The following DDX46 variants were observed in gnomAD, a reference collection of about 807,000 sequenced individuals.
DDX46 encodes DEAD-box helicase 46, also known as probable ATP-dependent RNA helicase DDX46.
A neutral mutation model predicts 134.9 loss-of-function variants in DDX46; 30 were observed. The observed-to-expected ratio is 0.22, with a 90% CI of 0.17 to 0.30. The LOEUF is 0.30. Ranked by LOEUF, DDX46 falls within the 10% of genes least tolerant of loss-of-function variation. The pLI, the probability that DDX46 is intolerant of heterozygous loss-of-function variation, is 1.00. For missense variants in DDX46, 622 were observed against 1,248.7 expected (o/e 0.50, Z 7.56); for synonymous variants, 415 against 404.1 (o/e 1.03, Z -0.32).
Position 134,773,494 on chromosome 5 carries a change from T to C in DDX46, c.448-202T>C, listed in dbSNP as rs74868530. Among the ~76,000 whole-genome samples the C allele has an allele frequency of 8.4e-3, 1,273 of 152,336 alleles. 18 individuals are homozygous for C. The highest frequency in any genetic ancestry group is 0.028 in the African/African-American group (1,160 of 41,566). On this transcript the variant is annotated intron_variant, in intron 4 of 22. Coordinates refer to ENST00000452510, the MANE Select transcript of DDX46 (RefSeq NM_001300860.2). The stretch of plus-strand genomic sequence containing the variant: ...TTCTTATTTGAAGATGCTTTTTTTG[T>C]GATTTCATTTTGGTAATATATTTGT...
intron 18 of DDX46, among the ~76,000 whole-genome samples, chr5:134,812,453 C>T (rs1054102998): frequency 2.6e-5 from 4 of 152,010 alleles, no homozygotes; most frequent in Non-Finnish European, 4.4e-5. Flanking sequence ...CACTTTTGGA[C>T]ATATCATGTT....
intron 22 of DDX46, among the ~76,000 whole-genome samples, chr5:134,828,439 T>G (rs994251682): frequency 2.6e-5 from 4 of 152,182 alleles, no homozygotes; most frequent in East Asian, 1.9e-4. Flanking sequence ...AATAGTTGAG[T>G]GAACAGAGAA....
intron 18 of DDX46, among the ~76,000 whole-genome samples, chr5:134,815,603 A>G (rs1755264452): frequency 7.0e-6 from 1 of 143,404 alleles, no homozygotes; most frequent in Admixed American, 7.3e-5. Flanking sequence ...GCTACTCAGG[A>G]GGCTGAGGCA....
chr5:134,826,914 A>G (rs751181415), intron 21 of DDX46, 33 bp from the exon 22 acceptor site: 53 of 1,602,998 alleles, frequency 3.3e-5, no homozygotes, highest in Non-Finnish European at 6.8e-6. Flanking sequence ...AAGTTTAGTA[A>G]TTTGAATAAT....
chr5:134,764,714 T>C (rs886423800), intron 2 of DDX46, among the ~76,000 whole-genome samples: 2 of 152,194 alleles, frequency 1.3e-5, no homozygotes, highest in African/African-American at 4.8e-5. Context: ...AAGAGGGTTC[T>C]ATTCCAATTC....
intron 6 of DDX46, chr5:134,778,015 A>C: frequency 5.0e-6 from 1 of 201,416 alleles, no homozygotes; most frequent in Non-Finnish European, 9.6e-6. Context: ...CCTGTCTTTG[A>C]TACTCTTTTT....
rs867777664 is a variant in DDX46, at chr5:134,818,923, G to A, written c.2896G>A (p.Ala966Thr). The A allele has an allele frequency of 6.2e-7, 1 of 1,613,792 alleles. No homozygotes were observed. Among genetic ancestry groups the A allele is most frequent in the East Asian group, 2.2e-5 (1 of 44,832 alleles). Residue 966 changes from alanine to threonine, a missense_variant, in exon 21 of 23, where the codon GCA becomes ACA. Physicochemically the swap from Ala to Thr is moderately conservative, Grantham distance 58. Coordinates refer to ENST00000452510, the MANE Select transcript of DDX46 (RefSeq NM_001300860.2). ...GAGAATCAGTGAATACTCTGAAGCC[G>A]CAATTACAATCAGAGGAACCTACTT... Reference protein sequence around the residue: ...LQRISEYSEAAITIRGTYFPP... With the variant: ...LQRISEYSEATITIRGTYFPP...
intron 8 of DDX46, among the ~76,000 whole-genome samples, chr5:134,782,348 T>C (rs1754179276): frequency 3.3e-5 from 5 of 151,588 alleles, no homozygotes; most frequent in Admixed American, 3.3e-4. Context: ...TCTACTAAAA[T>C]ACAAAAAACT....
intron 1 of DDX46, among the ~76,000 whole-genome samples, chr5:134,762,727 CTG>C (rs1753429779): frequency 1.3e-5 from 2 of 149,872 alleles, no homozygotes; most frequent in East Asian, 2.0e-4. Flanking sequence ...GAGTGCGACT[CTG>C]TCTCAAAAAA....
At chr5:134,773,946 TTTA>T in intron 5 of DDX46, 85 bp downstream of exon 5, 3 of 1,343,162 alleles carry the variant, frequency 2.2e-6, no homozygotes, top group Non-Finnish European at 3.0e-6. Context: ...TTTAATCTTT[TTTA>T]TTGTTGAAAA....
chr5:134,793,119 T>C lies in DDX46; in HGVS notation c.1627-1731T>C, dbSNP rs530781960. 4.6e-5 allele frequency among the ~76,000 whole-genome samples: 7 copies of C among 152,260 alleles called. No individual in the cohort carries two copies. The East Asian group carries it at 1.2e-3, about 25-fold the overall frequency. Reference sequence around the variant, plus strand: ...CTGTGGTGAGCCAACATAATACCTCTGCACTCCAGCCTGGGCGACAGAGTG... The same window carrying C: ...CTGTGGTGAGCCAACATAATACCTCCGCACTCCAGCCTGGGCGACAGAGTG... On this transcript the variant is annotated intron_variant, in intron 13 of 22. Coordinates refer to ENST00000452510, the MANE Select transcript of DDX46 (RefSeq NM_001300860.2).
At chr5:134,802,233 T>G (rs897623468) in intron 15 of DDX46, among the ~76,000 whole-genome samples, 1 of 150,406 alleles carries the variant, frequency 6.6e-6, no homozygotes, top group Non-Finnish European at 1.5e-5. Context: ...GGCACTATCT[T>G]GGCTCACCGC....
At chr5:134,785,186 CTG>C (rs1254204240) in intron 10 of DDX46, among the ~76,000 whole-genome samples, 3 of 152,174 alleles carry the variant, frequency 2.0e-5, no homozygotes, top group African/African-American at 7.2e-5. Context: ...CATTAGAAAA[CTG>C]TTTGCATTCT....
intron 15 of DDX46, among the ~76,000 whole-genome samples, chr5:134,801,025 T>C (rs995239560): frequency 3.9e-5 from 6 of 152,132 alleles, no homozygotes; most frequent in African/African-American, 1.4e-4. Flanking sequence ...GACTCATGCC[T>C]GTAATCCCAG....
intron 4 of DDX46, among the ~76,000 whole-genome samples, chr5:134,771,780 G>T (rs1323686715): frequency 1.3e-5 from 2 of 152,040 alleles, no homozygotes; most frequent in Non-Finnish European, 2.9e-5. Flanking sequence ...AAAATAACCA[G>T]ATGTGAAAGA....
In DDX46 at chr5:134,763,906, A is replaced by G. The variant is rs762352422; in HGVS notation, c.20A>G (p.His7Arg). The G allele has an allele frequency of 6.2e-7, 1 of 1,613,844 alleles. No homozygotes were observed. The highest frequency in any genetic ancestry group is 8.5e-7 in the Non-Finnish European group (1 of 1,179,878). The change falls in exon 2 of 23, where the codon CAC (histidine) becomes CGC (arginine). Residue 7 changes from histidine to arginine, a missense_variant and splice_region_variant. By Grantham distance (29) the His-to-Arg change is conservative. This residue lies in a region of DDX46 where 244 missense variants were observed against 349.3 expected (regional missense o/e 0.70). Transcript: ENST00000452510. Reference sequence around the variant, plus strand: ...TAATCTTTGACTTATTGTTCTAGCCACTATCGAAAACGATCGGCATCCCGG... The same window carrying G: ...TAATCTTTGACTTATTGTTCTAGCCGCTATCGAAAACGATCGGCATCCCGG... The part of the protein sequence containing the change: MGRESR[H>R]YRKRSASRGR...
chr5:134,785,499 A>G lies in DDX46; in HGVS notation c.1377A>G (p.Leu459=), dbSNP rs775141839. Residue 459 remains leucine (L), a synonymous_variant, in exon 11 of 23, where the codon TTA becomes TTG. Transcript: ENST00000452510. ...TGACTCCAACTCGAGAACTGGCTTTACAGATTACTAAAGAGTGTAAGAAGT... is the reference window on the plus strand; with the variant it reads ...TGACTCCAACTCGAGAACTGGCTTTGCAGATTACTAAAGAGTGTAAGAAGT... The part of the protein sequence containing the change: ...VIMTPTRELA[L]QITKECKKFS... 8 of 1,613,778 alleles carry G rather than the reference A, an allele frequency of 5.0e-6. No homozygotes were observed. The highest frequency in any genetic ancestry group is 1.3e-5 in the African/African-American group (1 of 75,032).
chr5:134,830,007 A>G lies in DDX46; in HGVS notation c.*1301A>G, dbSNP rs1320408807. ...CCTGAATATTCTAATTTAAATTGTT[A>G]TAATTGGATTACCTAATATTCTTTT... On this transcript the variant is annotated 3_prime_UTR_variant, in exon 23 of 23. Coordinates refer to ENST00000452510, the MANE Select transcript of DDX46 (RefSeq NM_001300860.2). 2 of 151,844 alleles carry G rather than the reference A, an allele frequency of 1.3e-5. No individual in the cohort carries two copies. The highest frequency in any genetic ancestry group is 6.6e-5 in the Admixed American group (1 of 15,224). The allele number at this position is 151,844 out of a possible 1,614,324, so 9.4% of individuals were successfully genotyped here.
chr5:134,815,965 C>T (rs1003651724), intron 18 of DDX46, among the ~76,000 whole-genome samples: 6 of 152,078 alleles, frequency 3.9e-5, no homozygotes, highest in African/African-American at 1.2e-4. Flanking sequence ...TATCACTCCC[C>T]CTGAGAATTA....
Sources: gnomAD v4.1 joint callset for allele counts (sites outside exome capture counted in the v4.1 genomes callset) on GRCh38, gnomAD v4.1.1 for gene constraint, gnomAD v4.1.1 regional missense constraint, MANE v1.5 for transcripts, NCBI Gene and HGNC (gene_info 2026-07-23, HGNC 2026-07-21) for gene names.